The following ZMIZ1 variants were observed in gnomAD, a reference collection of about 807,000 sequenced individuals.
ZMIZ1 encodes the protein zinc finger MIZ domain-containing protein 1.
Under a neutral mutation model 113.9 loss-of-function variants are expected in ZMIZ1, and 17 were observed. The ratio of observed to expected loss-of-function variants is 0.15; its 90% CI spans 0.10 to 0.22. The LOEUF (loss-of-function observed/expected upper bound fraction) is 0.22, where lower values mean the gene tolerates loss of function less well. Among genes scored for constraint, ZMIZ1 ranks in the 10% least tolerant of loss-of-function variants. ZMIZ1 has a pLI of 1.00. For missense variants in ZMIZ1, 1,059 were observed against 1,477.8 expected (o/e 0.72, Z 4.65); for synonymous variants, 607 against 603.1 (o/e 1.01, Z -0.09).
At chr10:79,307,816 C>A (rs935975136) in intron 23 of ZMIZ1, among the ~76,000 whole-genome samples, 2 of 152,022 alleles carry the variant, frequency 1.3e-5, no homozygotes, top group Non-Finnish European at 2.9e-5. Context: ...TTCCCCAAAC[C>A]CTCACCACCC....
At position 79,302,681 on chromosome 10, in the gene ZMIZ1, C is replaced by CTTTTTTTTTT. The variant is rs758621365; in HGVS notation, c.2125+484_2125+493dup. ...GGCCTCCCTACTTCAACAGCTCATG[C>CTTTTTTTTTT]TTTTTTTTTTTTTTTTTTTTTTTTG... is the stretch of plus-strand genomic sequence containing the variant. On this transcript the variant is annotated intron_variant, in intron 18 of 24. Transcript: ENST00000334512. Among the ~76,000 whole-genome samples, 36 of 41,788 alleles carry CTTTTTTTTTT rather than the reference C, an allele frequency of 8.6e-4. 4 individuals are homozygous for CTTTTTTTTTT. Among genetic ancestry groups the CTTTTTTTTTT allele is most frequent in the South Asian group, 1.2e-3 (1 of 852 alleles). 27.4% of individuals were successfully genotyped at this position (41,788 alleles called of 152,430 possible). A position where few individuals can be genotyped will look rare whatever the true frequency, so the allele number is the denominator to read the frequency against.
rs1855385848 is a variant in ZMIZ1, at chr10:79,314,160, A to G, written c.*1411A>G. On this transcript the variant is annotated 3_prime_UTR_variant, in exon 25 of 25. Transcript: ENST00000334512. ...GGCCTTCCCTCCACCGCTTTGCTCC[A>G]TCTGGCTTACCACTCTCCAGGGCCT... The G allele has an allele frequency of 8.8e-6, 4 of 456,860 alleles. No individual in the cohort carries two copies. The highest frequency in any genetic ancestry group is 1.8e-5 in the Non-Finnish European group (4 of 227,002). The allele number at this position is 456,860 out of a possible 1,614,324, so 28.3% of individuals were successfully genotyped here.
In ZMIZ1 at chr10:79,296,321, A is replaced by G; in HGVS notation, c.1231-150A>G. On this transcript the variant is annotated intron_variant, in intron 12 of 24. Transcript: ENST00000334512. This position sits in a 1 kb window ranked among gnomAD's most constrained non-coding sequence, Gnocchi z 4.1. ...AAATGCCCCTGGATGTCAGGACGAGAAGGGGCCCAAAGCATTATCTGGTTT... is the reference window on the plus strand; with the variant it reads ...AAATGCCCCTGGATGTCAGGACGAGGAGGGGCCCAAAGCATTATCTGGTTT... The G allele has an allele frequency of 1.1e-6, 1 of 878,320 alleles. No homozygotes were observed. Among genetic ancestry groups the G allele is most frequent in the South Asian group, 1.5e-5 (1 of 64,878 alleles). 54.4% of individuals were successfully genotyped at this position (878,320 alleles called of 1,614,324 possible). A position where few individuals can be genotyped will look rare whatever the true frequency, so the allele number is the denominator to read the frequency against.
rs188428180 is a variant in ZMIZ1 at position 79,216,273 on chromosome 10, C to T, written c.279C>T (p.Ala93=). 135 of 1,586,870 alleles carry T rather than the reference C, an allele frequency of 8.5e-5. No individual in the cohort carries two copies. The highest frequency in any genetic ancestry group is 1.1e-4 in the Non-Finnish European group (123 of 1,166,556). Residue 93 remains alanine, a splice_region_variant and synonymous_variant, in exon 7 of 25, where the codon GCC becomes GCT. Coordinates refer to ENST00000334512, the MANE Select transcript of ZMIZ1 (RefSeq NM_020338.4). ...ANRDKFTPKS[A]ALLSSWCEEL... is the part of the protein sequence containing the mutation. ...GAGACAAGTTCACCCCGAAGTCTGCCGGTAGGTGTCCGTGGGGGACTCTGC... is the reference window on the plus strand; with the variant it reads ...GAGACAAGTTCACCCCGAAGTCTGCTGGTAGGTGTCCGTGGGGGACTCTGC...
intron 1 of ZMIZ1, among the ~76,000 whole-genome samples, chr10:79,102,375 C>T (rs965345768): frequency 6.6e-6 from 1 of 152,246 alleles, no homozygotes; most frequent in African/African-American, 2.4e-5. Flanking sequence ...CCTCCTTCTG[C>T]CCCACCCGGG....
chr10:79,152,404 G>T (rs1424068954), intron 3 of ZMIZ1, among the ~76,000 whole-genome samples: 1 of 152,210 alleles, frequency 6.6e-6, no homozygotes, highest in Non-Finnish European at 1.5e-5. Context: ...GAGGGTTGAG[G>T]TGGGAGGATC....
chr10:79,168,088 T>C (rs1315735957), intron 4 of ZMIZ1, among the ~76,000 whole-genome samples: 5 of 152,232 alleles, frequency 3.3e-5, no homozygotes, highest in Non-Finnish European at 7.3e-5. Flanking sequence ...CTCTACCCTC[T>C]GGAGCCAATT....
intron 4 of ZMIZ1, among the ~76,000 whole-genome samples, chr10:79,199,032 C>CAAA (rs397794791): frequency 6.9e-6 from 1 of 144,722 alleles, no homozygotes. Context: ...GACTCAGTCT[C>CAAA]AAAAAAAAAA....
intron 4 of ZMIZ1, among the ~76,000 whole-genome samples, chr10:79,190,337 G>C (rs1847546626): frequency 1.3e-5 from 2 of 152,176 alleles, no homozygotes; most frequent in Non-Finnish European, 2.9e-5. Flanking sequence ...CTGGGTGTGG[G>C]CCCTGACCCT....
At chr10:79,310,474 G>C (rs1855057937) in intron 23 of ZMIZ1, among the ~76,000 whole-genome samples, 1 of 152,218 alleles carries the variant, frequency 6.6e-6, no homozygotes, top group African/African-American at 2.4e-5. Flanking sequence ...AATGCTGTCT[G>C]TCTGTGTCTG....
chr10:79,078,177 A>AT (rs1196999023), intron 1 of ZMIZ1, among the ~76,000 whole-genome samples: 1 of 152,038 alleles, frequency 6.6e-6, no homozygotes. Flanking sequence ...TGAGAAGCTT[A>AT]TTTTTTTCAT....
chr10:79,101,583 G>A (rs1457143410), intron 1 of ZMIZ1, among the ~76,000 whole-genome samples: 2 of 152,138 alleles, frequency 1.3e-5, no homozygotes, highest in Admixed American at 6.5e-5. Flanking sequence ...TTATTGGCAC[G>A]GCCACGTTCA....
intron 7 of ZMIZ1, among the ~76,000 whole-genome samples, chr10:79,254,544 C>G (rs1296526872): frequency 6.6e-6 from 1 of 152,236 alleles, no homozygotes; most frequent in Non-Finnish European, 1.5e-5. Context: ...GCCCGCTGGT[C>G]TCTATTCACT....
At chr10:79,258,998 T>C (rs1851090763) in intron 7 of ZMIZ1, among the ~76,000 whole-genome samples, 1 of 152,008 alleles carries the variant, frequency 6.6e-6, no homozygotes, top group Non-Finnish European at 1.5e-5. Context: ...GGTAATCGGA[T>C]TGTGTGTGAC....
At chr10:79,104,636 A>G (rs1843487754) in intron 1 of ZMIZ1, among the ~76,000 whole-genome samples, 1 of 152,086 alleles carries the variant, frequency 6.6e-6, no homozygotes, top group African/African-American at 2.4e-5. Flanking sequence ...CCAGAATCCA[A>G]ATTTCAGGGG....
chr10:79,257,981 C>G (rs1851027504), intron 7 of ZMIZ1, among the ~76,000 whole-genome samples: 1 of 152,226 alleles, frequency 6.6e-6, no homozygotes, highest in African/African-American at 2.4e-5. Context: ...GGATGGCCTG[C>G]TTACTCTTCA....
intron 7 of ZMIZ1, among the ~76,000 whole-genome samples, chr10:79,246,790 T>C (rs1227757072): frequency 6.6e-6 from 1 of 152,082 alleles, no homozygotes; most frequent in African/African-American, 2.4e-5. Context: ...CTCGAAGCAC[T>C]TCCAGCTTCC....
At chr10:79,156,639 A>C (rs1351490023) in intron 3 of ZMIZ1, among the ~76,000 whole-genome samples, 1 of 152,188 alleles carries the variant, frequency 6.6e-6, no homozygotes, top group Admixed American at 6.5e-5. Flanking sequence ...GACAGTGCCT[A>C]CTGTCTGCTG....
chr10:79,250,796 G>A (rs1023108309), intron 7 of ZMIZ1, among the ~76,000 whole-genome samples: 2 of 152,132 alleles, frequency 1.3e-5, no homozygotes, highest in African/African-American at 2.4e-5. Flanking sequence ...GGTGCCCAAA[G>A]GGTGCCTGGA....
Sources: gnomAD v4.1 joint callset for allele counts (sites outside exome capture counted in the v4.1 genomes callset) on GRCh38, gnomAD v4.1.1 for gene constraint, Gnocchi (gnomAD v3.1) non-coding constraint, MANE v1.5 for transcripts, NCBI Gene and HGNC (gene_info 2026-07-23, HGNC 2026-07-21) for gene names.